Variants in MYO5B observed in about 807,000 individuals in gnomAD.
MYO5B encodes the protein myosin VB, also known as unconventional myosin-Vb.
A neutral mutation model predicts 229.3 loss-of-function variants in MYO5B; 143 were observed. The observed-to-expected ratio is 0.62, with a 90% CI of 0.54 to 0.72. MYO5B has a LOEUF of 0.72. Among genes scored for constraint, MYO5B ranks in the 30% least tolerant of loss-of-function variants. The probability of loss-of-function intolerance (pLI) is 0.00; values close to 1 mark genes in which losing one functional copy is unlikely to be tolerated. For missense variants in MYO5B, 2,321 were observed against 2,331.0 expected, an observed-to-expected ratio of 1.00 and a Z score of 0.09; for synonymous variants, 918 against 885.2, an observed-to-expected ratio of 1.04 and a Z score of -0.66.
intron 1 of MYO5B, among the ~76,000 whole-genome samples, chr18:50,115,572 ACACAC>A (rs2031947358): frequency 1.3e-5 from 2 of 151,064 alleles, no homozygotes; most frequent in African/African-American, 4.9e-5. Flanking sequence ...ACACACACAC[ACACAC>A]ACACACAAAC....
chr18:50,185,328 C>T (rs1265710304), intron 1 of MYO5B, among the ~76,000 whole-genome samples: 1 of 150,896 alleles, frequency 6.6e-6, no homozygotes, highest in Non-Finnish European at 1.5e-5. Flanking sequence ...AGAACAATGA[C>T]CCGAACTTAG....
chr18:49,831,523 CATCAGAGAGATACAA>C (rs2023921689), intron 39 of MYO5B, among the ~76,000 whole-genome samples: 1 of 152,150 alleles, frequency 6.6e-6, no homozygotes, highest in African/African-American at 2.4e-5. Flanking sequence ...AGATGCTAGT[CATCAGAGAGATACAA>C]ATCCAAACCA....
At chr18:50,050,160 A>G (rs1256176828) in intron 2 of MYO5B, among the ~76,000 whole-genome samples, 1 of 152,212 alleles carries the variant, frequency 6.6e-6, no homozygotes, top group East Asian at 1.9e-4. Context: ...TTATTAGGAG[A>G]CCCAAAAACC....
chr18:50,121,914 C>T (rs75023094), intron 1 of MYO5B, among the ~76,000 whole-genome samples: 3,628 of 152,336 alleles, frequency 0.024, 46 homozygotes, highest in African/African-American at 0.033. Context: ...AAAGTCTTTG[C>T]TTTTGACTAA....
At chr18:50,081,153 C>G (rs774160226) in intron 1 of MYO5B, among the ~76,000 whole-genome samples, 1 of 152,166 alleles carries the variant, frequency 6.6e-6, no homozygotes, top group Non-Finnish European at 1.5e-5. Context: ...CTTCACCTCT[C>G]CTAAGGTTGA....
At chr18:49,894,396 A>T (rs181025963) in intron 22 of MYO5B, among the ~76,000 whole-genome samples, 1 of 152,200 alleles carries the variant, frequency 6.6e-6, no homozygotes, top group Admixed American at 6.5e-5. Flanking sequence ...TGGAGCAGGG[A>T]ATCTCTATGC....
At chr18:49,947,687 T>C (rs1306987286) in intron 14 of MYO5B, among the ~76,000 whole-genome samples, 3 of 152,160 alleles carry the variant, frequency 2.0e-5, no homozygotes, top group African/African-American at 7.2e-5. Flanking sequence ...TCTCACAATT[T>C]GTCCCCTTCG....
chr18:49,952,196 C>T (rs72929871), intron 14 of MYO5B, among the ~76,000 whole-genome samples: 15,134 of 152,132 alleles, frequency 0.099, 1,007 homozygotes, highest in South Asian at 0.22. Context: ...ATATTTTCTC[C>T]ATTCTATCAT....
At chr18:50,188,006 C>T (rs1478765512) in intron 1 of MYO5B, among the ~76,000 whole-genome samples, 1 of 152,144 alleles carries the variant, frequency 6.6e-6, no homozygotes, top group Non-Finnish European at 1.5e-5. Flanking sequence ...AGTAGTATTA[C>T]AGAAATGTTA....
intron 39 of MYO5B, among the ~76,000 whole-genome samples, chr18:49,827,285 A>G (rs1430176704): frequency 6.6e-6 from 1 of 152,222 alleles, no homozygotes; most frequent in African/African-American, 2.4e-5. Context: ...CCCTGAAGCT[A>G]TGGGGATAGC....
At position 49,885,872 on chromosome 18, in the gene MYO5B, C is replaced by A. The variant is rs555266509; in HGVS notation, c.3046-5417G>T. Among the ~76,000 whole-genome samples, 478 of 152,232 alleles carry A rather than the reference C, an allele frequency of 3.1e-3. 4 individuals are homozygous for A. Among genetic ancestry groups the A allele is most frequent in the African/African-American group, 9.9e-3 (412 of 41,558 alleles). The stretch of plus-strand genomic sequence containing the variant: ...TTACATTAGGTTTGTCCTTTAAGGG[C>A]CCATAGAGAAAAGTAGGATACACAA... On this transcript the variant is annotated intron_variant, in intron 22 of 39. Coordinates refer to ENST00000285039, the MANE Select transcript of MYO5B (RefSeq NM_001080467.3).
At chr18:50,129,304 C>T (rs2032217247) in intron 1 of MYO5B, among the ~76,000 whole-genome samples, 1 of 152,250 alleles carries the variant, frequency 6.6e-6, no homozygotes, top group Non-Finnish European at 1.5e-5. Flanking sequence ...ACCACAAACC[C>T]AGGGCATCCC....
chr18:49,934,039 C>A (rs2025223178), intron 16 of MYO5B, among the ~76,000 whole-genome samples: 1 of 152,122 alleles, frequency 6.6e-6, no homozygotes, highest in Non-Finnish European at 1.5e-5. Flanking sequence ...CCATGCCCAG[C>A]TAATTTTAAA....
chr18:50,140,771 C>A (rs926055563), intron 1 of MYO5B, among the ~76,000 whole-genome samples: 4 of 152,172 alleles, frequency 2.6e-5, no homozygotes, highest in Admixed American at 2.6e-4. Flanking sequence ...CTTCTAACAC[C>A]AACTGCACAA....
At chr18:50,082,434 GATATTCC>G (rs1180115765) in intron 1 of MYO5B, among the ~76,000 whole-genome samples, 1 of 152,192 alleles carries the variant, frequency 6.6e-6, no homozygotes, top group Non-Finnish European at 1.5e-5. Flanking sequence ...AATTTAGAAG[GATATTCC>G]ATGTTATTAG....
intron 16 of MYO5B, among the ~76,000 whole-genome samples, chr18:49,931,665 G>C (rs954610066): frequency 6.6e-6 from 1 of 152,146 alleles, no homozygotes; most frequent in East Asian, 1.9e-4. Context: ...AGGATCCAAG[G>C]GGGTCTTCAT....
chr18:50,182,389 C>A (rs1027660276), intron 1 of MYO5B, among the ~76,000 whole-genome samples: 1 of 152,066 alleles, frequency 6.6e-6, no homozygotes, highest in Non-Finnish European at 1.5e-5. Context: ...CTTCCTTTGG[C>A]CAGCTTGGTG....
chr18:50,193,221 G>C (rs1330716336), intron 1 of MYO5B, among the ~76,000 whole-genome samples: 1 of 152,234 alleles, frequency 6.6e-6, no homozygotes, highest in Non-Finnish European at 1.5e-5. Context: ...AAGAGGGGTG[G>C]GGTGCCGTTC....
rs374520751 is a variant in MYO5B at position 50,001,424 on chromosome 18, A to G, written c.456-13T>C. 2.4e-5 allele frequency: 39 copies of G among 1,613,860 alleles called. No individual in the cohort carries two copies. The highest frequency in any genetic ancestry group is 1.6e-4 in the Middle Eastern group (1 of 6,084). On this transcript the variant is annotated splice_polypyrimidine_tract_variant and intron_variant, in intron 4 of 39. Coordinates refer to ENST00000285039, the MANE Select transcript of MYO5B (RefSeq NM_001080467.3). ...ATTCTTCTCATCTCTGGAAGGAAAA[A>G]AGCTCTGATAAGTCATTGGCCATGG... is the stretch of plus-strand genomic sequence containing the variant.
Sources: gnomAD v4.1 joint callset for allele counts (sites outside exome capture counted in the v4.1 genomes callset) on GRCh38, gnomAD v4.1.1 for gene constraint, MANE v1.5 for transcripts, NCBI Gene and HGNC (gene_info 2026-07-23, HGNC 2026-07-21) for gene names.